Variants in MYO16 observed in about 807,000 individuals in gnomAD.
The protein encoded by MYO16 is myosin XVI, also known as unconventional myosin-XVI.
MYO16 carries 94 observed loss-of-function variants against 205.3 expected under a neutral mutation model. The observed-to-expected ratio is 0.46, with a 90% CI of 0.39 to 0.54. The LOEUF is 0.54. MYO16 is among the 20% of genes least tolerant of loss of function. The pLI is 0.00. For synonymous variants in MYO16, 988 were observed against 954.0 expected (o/e 1.04, Z -0.66); for missense variants, 2,315 against 2,387.5 (o/e 0.97, Z 0.63).
At chr13:109,124,732 G>A (rs1270708745) in intron 29 of MYO16, among the ~76,000 whole-genome samples, 1 of 152,072 alleles carries the variant, frequency 6.6e-6, no homozygotes, top group Non-Finnish European at 1.5e-5. Flanking sequence ...TAAGCCTTAG[G>A]TGTTTATGTA....
intron 11 of MYO16, among the ~76,000 whole-genome samples, chr13:108,864,452 T>A (rs1470273640): frequency 6.6e-6 from 1 of 152,202 alleles, no homozygotes; most frequent in East Asian, 1.9e-4. Flanking sequence ...GACTTCAGTA[T>A]CTTTTTAATT....
the MYO16 span, among the ~76,000 whole-genome samples, chr13:108,554,782 A>G: frequency 6.7e-6 from 1 of 148,264 alleles, no homozygotes; most frequent in Non-Finnish European, 1.5e-5. Context: ...CCCGGGAAGC[A>G]GAGCTTGCAG....
At chr13:108,671,850 T>C (rs1263557135) in intron 2 of MYO16, among the ~76,000 whole-genome samples, 1 of 152,138 alleles carries the variant, frequency 6.6e-6, no homozygotes, top group Non-Finnish European at 1.5e-5. Context: ...AATCTTATCA[T>C]GGGACTTCAT....
chr13:108,530,242 A>G, the MYO16 span, among the ~76,000 whole-genome samples: 2 of 152,234 alleles, frequency 1.3e-5, no homozygotes, highest in East Asian at 1.9e-4. Context: ...ACAGCCATGT[A>G]TCAGAGTCAG....
chr13:108,954,491 AG>A (rs1400528849), intron 16 of MYO16, among the ~76,000 whole-genome samples: 2 of 152,226 alleles, frequency 1.3e-5, no homozygotes, highest in Non-Finnish European at 2.9e-5. Flanking sequence ...CTGTAATTCC[AG>A]CACTTTGGGA....
chr13:109,206,129 G>A (rs1244570079), intron 34 of MYO16, among the ~76,000 whole-genome samples: 3 of 140,864 alleles, frequency 2.1e-5, no homozygotes, highest in South Asian at 2.2e-4. Flanking sequence ...ATGCCTTATG[G>A]TCGGAAGTGA....
the MYO16 span, among the ~76,000 whole-genome samples, chr13:108,549,091 T>C: frequency 6.6e-6 from 1 of 152,214 alleles, no homozygotes; most frequent in African/African-American, 2.4e-5. Flanking sequence ...GATTCCCATA[T>C]GTTGTAGGCA....
At chr13:109,120,313 C>T in intron 28 of MYO16, 57 bp from the exon 29 acceptor site, 17 of 1,197,078 alleles carry the variant, frequency 1.4e-5, no homozygotes, top group South Asian at 2.8e-5. Flanking sequence ...ATTATTTTTC[C>T]ATCATCATTT....
upstream of MYO16, among the ~76,000 whole-genome samples, chr13:108,594,632 C>A (rs8001584): frequency 4.6e-3 from 695 of 152,266 alleles, 6 homozygotes; most frequent in African/African-American, 0.016. Flanking sequence ...TCCCCTGATG[C>A]GGCACTTCGG....
chr13:109,176,579 A>AAAAAAAAAAAAAAAAC, intron 33 of MYO16, among the ~76,000 whole-genome samples: 1 of 129,208 alleles, frequency 7.7e-6, no homozygotes, highest in Non-Finnish European at 1.5e-5. Context: ...TGTGCTGGTA[A>AAAAAAAAAAAAAAAAC]AAAAAAAAAA....
At chr13:108,591,416 C>G (rs1484363891), upstream of MYO16, among the ~76,000 whole-genome samples, 2 of 150,098 alleles carry the variant, frequency 1.3e-5, no homozygotes, top group South Asian at 4.3e-4. Context: ...GAGTTCAACA[C>G]AAAATATTAA....
chr13:108,914,860 C>T (rs1881417983), intron 16 of MYO16, among the ~76,000 whole-genome samples: 1 of 152,136 alleles, frequency 6.6e-6, no homozygotes, highest in African/African-American at 2.4e-5. Context: ...CCAGGCTGGT[C>T]TTGAACTCCT....
intron 4 of MYO16, among the ~76,000 whole-genome samples, chr13:108,755,509 T>A (rs9587667): frequency 0.2 from 30,156 of 150,450 alleles, 3,266 homozygotes; most frequent in African/African-American, 0.25. Context: ...ATTATTAACA[T>A]CAAATAGATG....
chr13:108,874,693 CATCATTATTATTATTATTATT>C (rs1194464343), intron 12 of MYO16, among the ~76,000 whole-genome samples: 3 of 128,792 alleles, frequency 2.3e-5, no homozygotes, highest in East Asian at 2.2e-4. Flanking sequence ...GTTTCATCAT[CATCATTATTATTATTATTATT>C]ATTATTATTA....
In MYO16 at chr13:109,141,100, G is replaced by A. The variant is rs143940956; in HGVS notation, c.4888G>A (p.Gly1630Arg). ...EPAPVNAGKA[G>R]PSAEAPKVHP... ...CGCCCCGGTGAACGCGGGGAAAGCG[G>A]GGCCGAGCGCAGAGGCGCCCAAGGT... is the stretch of plus-strand genomic sequence containing the variant. The change falls in exon 32 of 35, where the codon GGG becomes AGG. Residue 1630 changes from glycine (G) to arginine (R), a missense_variant. Coordinates refer to ENST00000457511, the MANE Select transcript of MYO16 (RefSeq NM_001198950.3). This position sits in a 1 kb window ranked among gnomAD's most constrained non-coding sequence, Gnocchi z 4.1. 2.0e-6 allele frequency: 3 copies of A among 1,517,894 alleles called. No individual in the cohort carries two copies. Among genetic ancestry groups the A allele is most frequent in the Admixed American group, 2.1e-5 (1 of 47,716 alleles). The allele number at this position is 1,517,894 out of a possible 1,614,324, so 94.0% of individuals were successfully genotyped here. A position where few individuals can be genotyped will look rare whatever the true frequency, so the allele number is the denominator to read the frequency against.
At chr13:108,628,752 T>A (rs1879844838), upstream of MYO16, among the ~76,000 whole-genome samples, 1 of 152,212 alleles carries the variant, frequency 6.6e-6, no homozygotes, top group Non-Finnish European at 1.5e-5. Flanking sequence ...TACAAAATTA[T>A]GTTACTGCCA....
At chr13:108,718,863 C>A (rs1594237923) in intron 3 of MYO16, among the ~76,000 whole-genome samples, 1 of 152,076 alleles carries the variant, frequency 6.6e-6, no homozygotes, top group African/African-American at 2.4e-5. Flanking sequence ...AGAATCGTAA[C>A]CTTGACCTGC....
At chr13:108,625,153 G>A (rs542774814), upstream of MYO16, among the ~76,000 whole-genome samples, 1 of 152,146 alleles carries the variant, frequency 6.6e-6, no homozygotes, top group African/African-American at 2.4e-5. Context: ...CTTCACAATT[G>A]CCCACATCTA....
chr13:108,934,166 C>T (rs1882379566), intron 16 of MYO16, among the ~76,000 whole-genome samples: 1 of 152,128 alleles, frequency 6.6e-6, no homozygotes, highest in Non-Finnish European at 1.5e-5. Context: ...TGAGAACTCT[C>T]CAAACTGCTT....
Sources: gnomAD v4.1 joint callset for allele counts (sites outside exome capture counted in the v4.1 genomes callset) on GRCh38, gnomAD v4.1.1 for gene constraint, Gnocchi (gnomAD v3.1) non-coding constraint, MANE v1.5 for transcripts, NCBI Gene and HGNC (gene_info 2026-07-23, HGNC 2026-07-21) for gene names.